BCL2L11: variants seen among roughly 807,000 people sequenced by gnomAD.
BCL2L11 encodes the protein bcl-2-like protein 11.
Under a neutral mutation model 20.6 loss-of-function variants are expected in BCL2L11, and 15 were observed. The ratio of observed to expected loss-of-function variants is 0.73; its 90% CI spans 0.49 to 1.12. The LOEUF is 1.12. BCL2L11 is among the 50% of genes most tolerant of loss of function. BCL2L11 has a pLI of 0.00. For missense variants in BCL2L11, 292 were observed against 260.9 expected (o/e 1.12, Z -0.82); for synonymous variants, 108 against 92.8 (o/e 1.16, Z -0.94).
Position 111,164,449 on chromosome 2 carries a change from G to A in BCL2L11, c.*218G>A. On this transcript the variant is annotated 3_prime_UTR_variant, in exon 4 of 4. Coordinates refer to ENST00000393256, the MANE Select transcript of BCL2L11 (RefSeq NM_138621.5). ...AATGGAAGTTTGTTGTGAATGTAAA[G>A]GAGGGAGCATTCTTTGCTTTTTAAT... is the stretch of plus-strand genomic sequence containing the variant. The A allele has an allele frequency of 2.2e-6, 1 of 455,974 alleles. No individual in the cohort carries two copies. Among genetic ancestry groups the A allele is most frequent in the East Asian group, 3.2e-5 (1 of 30,814 alleles). 28.2% of individuals were successfully genotyped at this position (455,974 alleles called of 1,614,324 possible).
At chr2:111,162,899 G>A (rs547233461) in intron 3 of BCL2L11, 2 of 152,328 alleles carry the variant, frequency 1.3e-5, no homozygotes, top group African/African-American at 4.8e-5. Flanking sequence ...AATTTTGAAA[G>A]TTAAATCAAA....
At chr2:111,122,541 C>T (rs1056107273) in intron 1 of BCL2L11, 90 of 920,306 alleles carry the variant, frequency 9.8e-5, no homozygotes, top group Non-Finnish European at 1.2e-4. Flanking sequence ...CGCGGAGCGA[C>T]CGCGCGCGGA....
At chr2:111,131,982 G>C (rs962398072) in intron 2 of BCL2L11, 27 of 152,096 alleles carry the variant, frequency 1.8e-4, no homozygotes, top group Non-Finnish European at 2.9e-5. Flanking sequence ...CGCAAAACCA[G>C]GGTTAATCAG....
Position 111,164,103 on chromosome 2 carries a change from A to G in BCL2L11, c.499-30A>G, listed in dbSNP as rs746396864. 8 of 1,376,996 alleles carry G rather than the reference A, an allele frequency of 5.8e-6. No homozygotes were observed. In the East Asian group the frequency reaches 1.8e-4, roughly 32 times the overall value. The allele number at this position is 1,376,996 out of a possible 1,614,324, so 85.3% of individuals were successfully genotyped here. A position where few individuals can be genotyped will look rare whatever the true frequency, so the allele number is the denominator to read the frequency against. On this transcript the variant is annotated intron_variant, in intron 3 of 3. Coordinates refer to ENST00000393256, the MANE Select transcript of BCL2L11 (RefSeq NM_138621.5). ...CCTCCCCACCCCCAAATTAGGGAGA[A>G]ACTAAGAAGCTTTCCTTTTGTTGTT...
At chr2:111,124,664 C>T (rs964388568) in intron 2 of BCL2L11, among the ~76,000 whole-genome samples, 3 of 152,176 alleles carry the variant, frequency 2.0e-5, no homozygotes, top group African/African-American at 7.2e-5. Context: ...GCTTTCAGGT[C>T]TGTCTTCATT....
At chr2:111,153,962 AGGTGAACCTGCCGGGCTGAACGGCCTG>A in intron 3 of BCL2L11, 1 of 1,438,862 alleles carries the variant, frequency 6.9e-7, no homozygotes, top group Non-Finnish European at 9.1e-7. Flanking sequence ...TGTCATTCCC[AGGTGAACCTGCCGGGCTGAACGGCCTG>A]GCCCCTCTAT....
intron 2 of BCL2L11, 116 bp downstream of exon 2, chr2:111,124,255 T>G: frequency 8.1e-7 from 1 of 1,239,464 alleles, no homozygotes; most frequent in Non-Finnish European, 1.1e-6. Flanking sequence ...ATTCCATCTT[T>G]AGATGGGAAT....
At chr2:111,149,068 TCA>T (rs1439940083) in intron 2 of BCL2L11, among the ~76,000 whole-genome samples, 5 of 152,230 alleles carry the variant, frequency 3.3e-5, no homozygotes, top group Non-Finnish European at 5.9e-5. Context: ...TTAACGTAAG[TCA>T]CACGTGAATA....
chr2:111,167,841 CCTT>C lies in BCL2L11; in HGVS notation c.*3613_*3615del, dbSNP rs1281215908. The C allele has an allele frequency of 1.3e-5, 2 of 152,880 alleles. No homozygotes were observed. Among genetic ancestry groups the C allele is most frequent in the Admixed American group, 6.5e-5 (1 of 15,294 alleles). 9.5% of individuals were successfully genotyped at this position (152,880 alleles called of 1,614,324 possible). A position where few individuals can be genotyped will look rare whatever the true frequency, so the allele number is the denominator to read the frequency against. On this transcript the variant is annotated 3_prime_UTR_variant, in exon 4 of 4. Coordinates refer to ENST00000393256, the MANE Select transcript of BCL2L11 (RefSeq NM_138621.5). Reference sequence around the variant, plus strand: ...GCCTGCTTCTTCAGGTCGATGCCCTCCTTCTGATACTCCATCTCCTTCAGGGGA... The same window carrying C: ...GCCTGCTTCTTCAGGTCGATGCCCTCCTGATACTCCATCTCCTTCAGGGGA...
At position 111,145,495 on chromosome 2, in the gene BCL2L11, C is replaced by CT. The variant is rs534428650; in HGVS notation, c.395-4542dup. 1.5e-4 allele frequency among the ~76,000 whole-genome samples: 23 copies of CT among 151,990 alleles called. No individual in the cohort carries two copies. The South Asian group carries it at 3.7e-3, about 25-fold the overall frequency. The stretch of plus-strand genomic sequence containing the variant: ...AGCTCATTATAGATTGACAATCTCT[C>CT]TTTTTTTAAAAAAAAAAGTTTCCTG... On this transcript the variant is annotated intron_variant, in intron 2 of 3. Transcript: ENST00000393256.
intron 2 of BCL2L11, among the ~76,000 whole-genome samples, chr2:111,141,266 A>G (rs984407800): frequency 3.3e-5 from 5 of 151,890 alleles, no homozygotes; most frequent in African/African-American, 4.8e-5. Context: ...AACCAACCCA[A>G]ATGTCCAACA....
At chr2:111,155,141 A>G (rs676119) in intron 3 of BCL2L11, among the ~76,000 whole-genome samples, 85,374 of 151,684 alleles carry the variant, frequency 0.56, 25,968 homozygotes, top group African/African-American at 0.81. Flanking sequence ...AGGTAGCGTA[A>G]GGATGTTAGT....
At chr2:111,123,254 C>G (rs897448203) in intron 1 of BCL2L11, 1 of 985,370 alleles carries the variant, frequency 1.0e-6, no homozygotes, top group Non-Finnish European at 1.2e-6. Context: ...CAGACCTTCC[C>G]CAGACTTGCT....
In BCL2L11 at chr2:111,123,846, C is replaced by T; in HGVS notation, c.101C>T (p.Thr34Ile). The T allele has an allele frequency of 1.9e-6, 3 of 1,570,658 alleles. No homozygotes were observed. Among genetic ancestry groups the T allele is most frequent in the Admixed American group, 1.9e-5 (1 of 52,896 alleles). ...CCCCAGCTCAGACCTGGGGCCCCTA[C>T]CTCCCTACAGACAGAGCCACAAGGT... ...RPPQLRPGAP[T>I]SLQTEPQGNP... Residue 34 changes from threonine (T) to isoleucine (I), a missense_variant, in exon 2 of 4, where the codon ACC (threonine) becomes ATC (isoleucine). Thr to Ile is a moderately conservative substitution (Grantham distance 89, BLOSUM62 -1). Coordinates refer to ENST00000393256, the MANE Select transcript of BCL2L11 (RefSeq NM_138621.5).
chr2:111,146,019 G>A (rs1326320945), intron 2 of BCL2L11: 2 of 983,530 alleles, frequency 2.0e-6, no homozygotes, highest in African/African-American at 3.5e-5. Flanking sequence ...CAGGATTGGA[G>A]CTTTTGCTGC....
At chr2:111,139,838 T>A (rs1240944132) in intron 2 of BCL2L11, among the ~76,000 whole-genome samples, 2 of 152,236 alleles carry the variant, frequency 1.3e-5, no homozygotes, top group South Asian at 2.1e-4. Context: ...TTGGACCAGA[T>A]CCACATGATT....
chr2:111,149,943 G>T, intron 2 of BCL2L11, 101 bp from the exon 3 acceptor site: 1 of 918,076 alleles, frequency 1.1e-6, no homozygotes, highest in East Asian at 2.7e-5. Context: ...AAATGTGAAA[G>T]AGTGTGTGAG....
chr2:111,147,128 T>C (rs191335901), intron 2 of BCL2L11, among the ~76,000 whole-genome samples: 9 of 152,300 alleles, frequency 5.9e-5, no homozygotes, highest in African/African-American at 9.6e-5. Flanking sequence ...CTAATGTAGT[T>C]ATTGCCAATT....
chr2:111,161,249 C>G (rs1389974756), intron 3 of BCL2L11, among the ~76,000 whole-genome samples: 1 of 152,146 alleles, frequency 6.6e-6, no homozygotes, highest in African/African-American at 2.4e-5. Flanking sequence ...ACAGTTCAGC[C>G]CATAAAGAGG....
Sources: gnomAD v4.1 joint callset for allele counts (sites outside exome capture counted in the v4.1 genomes callset) on GRCh38, gnomAD v4.1.1 for gene constraint, MANE v1.5 for transcripts, NCBI Gene and HGNC (gene_info 2026-07-23, HGNC 2026-07-21) for gene names.